The following LEPROTL1 variants were observed in gnomAD, a reference collection of about 807,000 sequenced individuals.
The protein encoded by LEPROTL1 is leptin receptor overlapping transcript like 1.
A neutral mutation model predicts 15.4 loss-of-function variants in LEPROTL1; 6 were observed. The ratio of observed to expected loss-of-function variants is 0.39; its 90% CI spans 0.21 to 0.77. The LOEUF is 0.77. LEPROTL1 is among the 30% of genes least tolerant of loss of function. The pLI is 0.41. For synonymous variants in LEPROTL1, 56 were observed against 52.6 expected (o/e 1.06, Z -0.28); for missense variants, 128 against 158.1 (o/e 0.81, Z 1.02).
chr8:30,125,119 C>T (rs1184529968), intron 3 of LEPROTL1, among the ~76,000 whole-genome samples: 3 of 152,190 alleles, frequency 2.0e-5, no homozygotes, highest in African/African-American at 7.2e-5. Context: ...AATTATCTCA[C>T]TTGTTGTAAC....
chr8:30,105,945 C>G lies in LEPROTL1; in HGVS notation c.*83C>G. 1 of 1,388,164 alleles carries G rather than the reference C, an allele frequency of 7.2e-7. No homozygotes were observed. Among genetic ancestry groups the G allele is most frequent in the South Asian group, 1.7e-5 (1 of 60,304 alleles). 86.0% of individuals were successfully genotyped at this position (1,388,164 alleles called of 1,614,324 possible). A position where few individuals can be genotyped will look rare whatever the true frequency, so the allele number is the denominator to read the frequency against. The stretch of plus-strand genomic sequence containing the variant: ...CACACAGGAGATGGGGCAGTTAATG[C>G]TGAATGGTATAGCAAGCCTCTTGGG... On this transcript the variant is annotated 3_prime_UTR_variant, in exon 4 of 4. Transcript: ENST00000321250.
At chr8:30,096,192 CTTT>C (rs1563211632) in intron 1 of LEPROTL1, 7 of 742,322 alleles carry the variant, frequency 9.4e-6, no homozygotes, top group Admixed American at 4.9e-4. Flanking sequence ...CAAAATTTTT[CTTT>C]TTTTCCTTTT....
At chr8:30,131,076 G>T (rs1411542482) in intron 3 of LEPROTL1, among the ~76,000 whole-genome samples, 3 of 151,836 alleles carry the variant, frequency 2.0e-5, no homozygotes, top group Admixed American at 2.0e-4. Flanking sequence ...TTACAGGTGT[G>T]AGCCACAACG....
At chr8:30,126,202 G>A (rs944104633) in intron 3 of LEPROTL1, among the ~76,000 whole-genome samples, 5 of 152,164 alleles carry the variant, frequency 3.3e-5, no homozygotes, top group Non-Finnish European at 7.3e-5. Flanking sequence ...TCAGCACTGG[G>A]AGTCAGAGAC....
chr8:30,111,731 A>G (rs1802654732), downstream of LEPROTL1, among the ~76,000 whole-genome samples: 1 of 152,182 alleles, frequency 6.6e-6, no homozygotes, highest in African/African-American at 2.4e-5. Flanking sequence ...CGGAAGGGAA[A>G]GATTTGGGAG....
chr8:30,117,918 A>T, intron 3 of LEPROTL1: 1 of 508,342 alleles, frequency 2.0e-6, no homozygotes, highest in South Asian at 3.4e-5. Flanking sequence ...ACATTGTAGA[A>T]AAATGCTTAT....
chr8:30,134,408 C>T (rs1161804802), intron 4 of LEPROTL1, among the ~76,000 whole-genome samples: 7 of 149,976 alleles, frequency 4.7e-5, no homozygotes, highest in African/African-American at 1.2e-4. Context: ...GGTGATAGAG[C>T]GAGACTGCAT....
intron 3 of LEPROTL1, 63 bp downstream of exon 3, chr8:30,104,549 C>A: frequency 2.5e-6 from 3 of 1,178,710 alleles, no homozygotes; most frequent in Admixed American, 2.6e-5. Context: ...TTTTCTCAAG[C>A]AAAGTTTTTG....
At position 30,117,471 on chromosome 8, in the gene LEPROTL1, A is replaced by C. The variant is rs192760766; in HGVS notation, c.279+12985A>C. 59 of 1,498,266 alleles carry C rather than the reference A, an allele frequency of 3.9e-5. No individual in the cohort carries two copies. In the African/African-American group the frequency reaches 7.5e-4, roughly 19 times the overall value. 92.8% of individuals were successfully genotyped at this position (1,498,266 alleles called of 1,614,324 possible). On this transcript the variant is annotated intron_variant, in intron 3 of 4. Transcript: ENST00000442880. ...TGATGCCAGCTGAGGTTGTCAGTAC[A>C]ATGAAACCAAACTGAAGGGATGGAA...
At chr8:30,120,354 A>G (rs1459641748) in intron 3 of LEPROTL1, among the ~76,000 whole-genome samples, 1 of 152,122 alleles carries the variant, frequency 6.6e-6, no homozygotes, top group Non-Finnish European at 1.5e-5. Context: ...AATAAGAACT[A>G]TCATAAGACT....
intron 4 of LEPROTL1, among the ~76,000 whole-genome samples, chr8:30,135,214 C>T (rs879895008): frequency 3.8e-4 from 58 of 152,206 alleles, no homozygotes; most frequent in Non-Finnish European, 7.1e-4. Flanking sequence ...TTTAGGGAGA[C>T]TCTTCCTATT....
At chr8:30,131,858 G>C in intron 3 of LEPROTL1, 17 of 1,437,424 alleles carry the variant, frequency 1.2e-5, no homozygotes, top group Non-Finnish European at 1.6e-5. Context: ...TTATGGAAAA[G>C]TTCAAATGTA....
chr8:30,121,005 C>G (rs1360106828), intron 3 of LEPROTL1, among the ~76,000 whole-genome samples: 2 of 152,128 alleles, frequency 1.3e-5, no homozygotes, highest in Non-Finnish European at 2.9e-5. Context: ...CTGGCAGCCA[C>G]CATTCTACTC....
At chr8:30,131,973 T>C in intron 3 of LEPROTL1, 1 of 1,549,764 alleles carries the variant, frequency 6.5e-7, no homozygotes, top group South Asian at 1.2e-5. Context: ...TCTTCGCCAA[T>C]AGCAAAAGCA....
At chr8:30,128,788 A>G (rs917324332) in intron 3 of LEPROTL1, among the ~76,000 whole-genome samples, 1 of 151,574 alleles carries the variant, frequency 6.6e-6, no homozygotes, top group African/African-American at 2.4e-5. Context: ...TAACATATAT[A>G]TGGAAACTTG....
chr8:30,100,378 A>G (rs1264637874), intron 1 of LEPROTL1, among the ~76,000 whole-genome samples: 1 of 152,262 alleles, frequency 6.6e-6, no homozygotes, highest in African/African-American at 2.4e-5. Flanking sequence ...CAACAAAACT[A>G]GTTATTTTCT....
intron 3 of LEPROTL1, among the ~76,000 whole-genome samples, chr8:30,119,332 T>G (rs1166739465): frequency 1.3e-5 from 2 of 152,200 alleles, no homozygotes; most frequent in Non-Finnish European, 2.9e-5. Context: ...GTTTCTTATG[T>G]CTTCCCTTTC....
At chr8:30,104,185 G>A (rs1406484321) in intron 2 of LEPROTL1, 115 bp from the exon 3 acceptor site, 1 of 539,194 alleles carries the variant, frequency 1.9e-6, no homozygotes, top group Non-Finnish European at 3.1e-6. Context: ...TGCTAAGGTT[G>A]GGTATCATCC....
At position 30,106,300 on chromosome 8, in the gene LEPROTL1, A is replaced by G; in HGVS notation, c.*438A>G. The G allele has an allele frequency of 1.0e-6, 1 of 986,290 alleles. No individual in the cohort carries two copies. Among genetic ancestry groups the G allele is most frequent in the South Asian group, 4.7e-5 (1 of 21,392 alleles). 61.1% of individuals were successfully genotyped at this position (986,290 alleles called of 1,614,324 possible). A position where few individuals can be genotyped will look rare whatever the true frequency, so the allele number is the denominator to read the frequency against. On this transcript the variant is annotated 3_prime_UTR_variant, in exon 4 of 4. Transcript: ENST00000321250. Reference sequence around the variant, plus strand: ...TTAGCCTCCATTATTACAAAAAATTATAAAAATAAGTTTTCAGTCAGTCAG... The same window carrying G: ...TTAGCCTCCATTATTACAAAAAATTGTAAAAATAAGTTTTCAGTCAGTCAG...
Sources: gnomAD v4.1 joint callset for allele counts (sites outside exome capture counted in the v4.1 genomes callset) on GRCh38, gnomAD v4.1.1 for gene constraint, MANE v1.5 for transcripts, NCBI Gene and HGNC (gene_info 2026-07-23, HGNC 2026-07-21) for gene names.